The following DCDC2 variants were observed in gnomAD, a reference collection of about 807,000 sequenced individuals.
The protein encoded by DCDC2 is doublecortin domain-containing protein 2.
In DCDC2, 40 loss-of-function variants were observed where a neutral mutation model predicts 50.2. The ratio of observed to expected loss-of-function variants is 0.80; its 90% CI spans 0.62 to 1.04. The LOEUF (loss-of-function observed/expected upper bound fraction) is 1.04, where lower values mean the gene tolerates loss of function less well. Among genes scored for constraint, DCDC2 ranks in the 50% least tolerant of loss-of-function variants. The pLI is 0.00. For synonymous variants in DCDC2, 234 were observed against 210.6 expected (o/e 1.11, Z -0.96); for missense variants, 570 against 581.9 (o/e 0.98, Z 0.21).
chr6:24,301,111 C>A (rs373161169), intron 4 of DCDC2, among the ~76,000 whole-genome samples: 3 of 151,442 alleles, frequency 2.0e-5, no homozygotes, highest in African/African-American at 7.3e-5. Context: ...GTGGCTCAAG[C>A]CTGTAATCCC....
At chr6:24,206,206 G>A (rs1761715773) in intron 7 of DCDC2, among the ~76,000 whole-genome samples, 2 of 152,132 alleles carry the variant, frequency 1.3e-5, no homozygotes, top group Admixed American at 1.3e-4. Context: ...TGTGAACCCA[G>A]GAGACAGCCT....
chr6:24,320,671 T>A (rs757848024), intron 2 of DCDC2, among the ~76,000 whole-genome samples: 1 of 152,160 alleles, frequency 6.6e-6, no homozygotes, highest in Non-Finnish European at 1.5e-5. Context: ...CATATAGACA[T>A]GCATAATAGA....
chr6:24,213,565 A>G (rs1482831345), intron 7 of DCDC2, among the ~76,000 whole-genome samples: 2 of 152,196 alleles, frequency 1.3e-5, no homozygotes, highest in African/African-American at 4.8e-5. Flanking sequence ...TATAAAAATA[A>G]TTTTCATTAG....
intron 2 of DCDC2, among the ~76,000 whole-genome samples, chr6:24,311,168 T>G (rs921516735): frequency 3.3e-5 from 5 of 152,212 alleles, no homozygotes; most frequent in African/African-American, 4.8e-5. Flanking sequence ...ATATTTGAGC[T>G]GACCCCATCC....
At position 24,184,437 on chromosome 6, in the gene DCDC2, G is replaced by C. The variant is rs184589925; in HGVS notation, c.1024-5805C>G. 1.3e-3 allele frequency among the ~76,000 whole-genome samples: 197 copies of C among 152,148 alleles called. 1 individual carries two copies. Among genetic ancestry groups the C allele is most frequent in the African/African-American group, 4.4e-3 (181 of 41,500 alleles). On this transcript the variant is annotated intron_variant, in intron 8 of 9. Transcript: ENST00000378454. ...AAAATACAAAAAATTAGCCGGGCTTGGTGGTGCATATCTGTAATCCCAGCC... is the reference window on the plus strand; with the variant it reads ...AAAATACAAAAAATTAGCCGGGCTTCGTGGTGCATATCTGTAATCCCAGCC...
chr6:24,234,199 G>A (rs575412426), intron 7 of DCDC2, among the ~76,000 whole-genome samples: 133 of 150,778 alleles, frequency 8.8e-4, no homozygotes, highest in African/African-American at 2.6e-3. Flanking sequence ...TTGGTTGGCC[G>A]TATGAGGAAG....
At chr6:24,275,515 A>G (rs1226014564) in intron 7 of DCDC2, among the ~76,000 whole-genome samples, 1 of 152,182 alleles carries the variant, frequency 6.6e-6, no homozygotes, top group Admixed American at 6.5e-5. Context: ...ATGCTTCTAG[A>G]TCAGTGGTAC....
chr6:24,224,587 G>A (rs1337717021), intron 7 of DCDC2, among the ~76,000 whole-genome samples: 1 of 152,160 alleles, frequency 6.6e-6, no homozygotes, highest in Non-Finnish European at 1.5e-5. Context: ...ACTCAAAACT[G>A]GGGTGGCAGA....
At chr6:24,253,719 TTATC>T (rs935580605) in intron 7 of DCDC2, among the ~76,000 whole-genome samples, 35 of 152,210 alleles carry the variant, frequency 2.3e-4, no homozygotes, top group African/African-American at 8.4e-4. Context: ...TTTAAAATGG[TTATC>T]TATATAGAGC....
intron 6 of DCDC2, among the ~76,000 whole-genome samples, chr6:24,286,153 G>A (rs914144578): frequency 5.9e-5 from 9 of 151,992 alleles, no homozygotes; most frequent in South Asian, 2.1e-4. Context: ...AATTCTCACC[G>A]CACCATCTTC....
At chr6:24,362,814 C>T (rs1317079692), upstream of DCDC2, among the ~76,000 whole-genome samples, 2 of 152,166 alleles carry the variant, frequency 1.3e-5, no homozygotes, top group Non-Finnish European at 2.9e-5. Flanking sequence ...ATACATTTCT[C>T]TTCTTCACAG....
At chr6:24,200,297 C>A (rs1761555715) in intron 8 of DCDC2, among the ~76,000 whole-genome samples, 1 of 152,168 alleles carries the variant, frequency 6.6e-6, no homozygotes, top group African/African-American at 2.4e-5. Context: ...GTCCATCAGA[C>A]CAGCAGTGAA....
At chr6:24,340,516 A>G (rs1404113251) in intron 2 of DCDC2, among the ~76,000 whole-genome samples, 2 of 152,150 alleles carry the variant, frequency 1.3e-5, no homozygotes, top group African/African-American at 4.8e-5. Context: ...GCTGTAGTAA[A>G]AATATTTTTA....
chr6:24,282,952 T>C (rs1175850546), intron 6 of DCDC2, among the ~76,000 whole-genome samples: 1 of 152,182 alleles, frequency 6.6e-6, no homozygotes, highest in Non-Finnish European at 1.5e-5. Context: ...ACAGTGACAT[T>C]GTGATACTTG....
intron 8 of DCDC2, among the ~76,000 whole-genome samples, chr6:24,184,722 G>A (rs2791971): frequency 0.62 from 94,618 of 151,946 alleles, 31,772 homozygotes; most frequent in East Asian, 0.79. Flanking sequence ...CAAAACTCCC[G>A]AAATACTGCA....
intron 2 of DCDC2, among the ~76,000 whole-genome samples, chr6:24,330,283 A>G (rs1686394758): frequency 6.6e-6 from 1 of 152,186 alleles, no homozygotes; most frequent in African/African-American, 2.4e-5. Flanking sequence ...CAGGTTACCA[A>G]CTACCAAACA....
chr6:24,316,108 C>T (rs1420268326), intron 2 of DCDC2, among the ~76,000 whole-genome samples: 8 of 152,152 alleles, frequency 5.3e-5, no homozygotes, highest in Non-Finnish European at 1.2e-4. Flanking sequence ...ATCCAGAGTT[C>T]AGTCTTGGAC....
At chr6:24,252,722 C>G (rs182780205) in intron 7 of DCDC2, among the ~76,000 whole-genome samples, 34 of 152,276 alleles carry the variant, frequency 2.2e-4, no homozygotes, top group African/African-American at 7.5e-4. Flanking sequence ...TACACTGACA[C>G]AGCACTCAGC....
chr6:24,359,214 T>TTA (rs1561789239), upstream of DCDC2, among the ~76,000 whole-genome samples: 7 of 59,718 alleles, frequency 1.2e-4, no homozygotes, highest in South Asian at 2.0e-3. Context: ...ATTTTATATA[T>TTA]TATATATTTT....
Sources: allele counts gnomAD v4.1 joint callset (sites outside exome capture counted in the v4.1 genomes callset), GRCh38; gene constraint gnomAD v4.1.1; transcripts MANE v1.5; gene names NCBI Gene and HGNC (gene_info 2026-07-23, HGNC 2026-07-21).